The following MPDZ variants were observed in gnomAD, a reference collection of about 807,000 sequenced individuals.
MPDZ encodes the protein multiple PDZ domain crumbs cell polarity complex component.
Under a neutral mutation model 239.1 loss-of-function variants are expected in MPDZ, and 234 were observed. The ratio of observed to expected loss-of-function variants is 0.98; its 90% CI spans 0.88 to 1.09. The LOEUF is 1.09. MPDZ is among the 50% of genes least tolerant of loss of function. MPDZ has a pLI of 0.00. For missense variants in MPDZ, 3,175 were observed against 2,510.0 expected, an observed-to-expected ratio of 1.26 and a Z score of -5.66; for synonymous variants, 1,048 against 881.3, an observed-to-expected ratio of 1.19 and a Z score of -3.35.
chr9:13,234,041 A>C (rs757281224), intron 3 of MPDZ, among the ~76,000 whole-genome samples: 6 of 152,132 alleles, frequency 3.9e-5, no homozygotes, highest in Non-Finnish European at 5.9e-5. Flanking sequence ...AAATATTATA[A>C]ATTTTTAAAA....
At position 13,119,621 on chromosome 9, in the gene MPDZ, T is replaced by A. The variant is rs777153532; in HGVS notation, c.5260A>T (p.Ile1754Phe). 20 of 1,613,898 alleles carry A rather than the reference T, an allele frequency of 1.2e-5. No homozygotes were observed. Among genetic ancestry groups the A allele is most frequent in the Non-Finnish European group, 1.7e-5 (20 of 1,179,874 alleles). Reference sequence around the variant, plus strand: ...GCATCTGCAATTCCTCCTTTGACAATGTCTGACACAAATACTCCAGTATCG... The same window carrying A: ...GCATCTGCAATTCCTCCTTTGACAAAGTCTGACACAAATACTCCAGTATCG... Reference protein sequence around the residue: ...RNDTGVFVSDIVKGGIADADG... With the variant: ...RNDTGVFVSDFVKGGIADADG... The change falls in exon 39 of 47, where the codon ATT (isoleucine) becomes TTT (phenylalanine). Residue 1754 changes from isoleucine to phenylalanine, a missense_variant. Transcript: ENST00000319217.
intron 39 of MPDZ, among the ~76,000 whole-genome samples, chr9:13,118,928 G>T (rs762303628): frequency 5.9e-5 from 9 of 152,148 alleles, no homozygotes; most frequent in Non-Finnish European, 8.8e-5. Flanking sequence ...CCCCAGTGAA[G>T]GTACTGCTGA....
chr9:13,122,129 T>C lies in MPDZ; in HGVS notation c.4995A>G (p.Ala1665=), dbSNP rs1269844280. The C allele has an allele frequency of 4.3e-6, 7 of 1,613,934 alleles. No individual in the cohort carries two copies. Among genetic ancestry groups the C allele is most frequent in the Non-Finnish European group, 5.9e-6 (7 of 1,179,946 alleles). ...CAGCCCAGAGTCTTCCATCTTTACA[T>C]GCTGCTCCTTCTTCATAAACTTCAT... ...IIHEVYEEGA[A]CKDGRLWAGD... The change falls in exon 37 of 47, where the codon GCA becomes GCG. Residue 1665 remains alanine, a synonymous_variant. Coordinates refer to ENST00000319217, the MANE Select transcript of MPDZ (RefSeq NM_001378778.1).
chr9:13,196,166 C>A lies in MPDZ; in HGVS notation c.1611G>T (p.Leu537=). The part of the protein sequence containing the change: ...IEDAQKQEAA[L]LTKWQRIMGI... ...CCATAATCCTTTGCCATTTTGTCAGCAGAGCAGCTTCTTGTTTTTGTGCAT... is the reference window on the plus strand; with the variant it reads ...CCATAATCCTTTGCCATTTTGTCAGAAGAGCAGCTTCTTGTTTTTGTGCAT... The change falls in exon 13 of 47, where the codon CTG becomes CTT. Residue 537 remains leucine, a synonymous_variant. Coordinates refer to ENST00000319217, the MANE Select transcript of MPDZ (RefSeq NM_001378778.1). 1 of 1,603,778 alleles carries A rather than the reference C, an allele frequency of 6.2e-7. No homozygotes were observed. Among genetic ancestry groups the A allele is most frequent in the Non-Finnish European group, 8.5e-7 (1 of 1,174,252 alleles).
chr9:13,160,854 ATATATATATATATAT>A (rs1563930996), intron 23 of MPDZ, among the ~76,000 whole-genome samples: 2 of 124,136 alleles, frequency 1.6e-5, no homozygotes, highest in Admixed American at 8.0e-5. Flanking sequence ...ATATATATAT[ATATATATATATATAT>A]AAAACAGGTA....
chr9:13,227,433 G>A (rs1417058046), intron 3 of MPDZ, among the ~76,000 whole-genome samples: 3 of 151,910 alleles, frequency 2.0e-5, no homozygotes, highest in African/African-American at 4.8e-5. Flanking sequence ...CAGAAGACAC[G>A]CAGCTCAGGT....
At chr9:13,110,279 C>G (rs912921396) in intron 44 of MPDZ, among the ~76,000 whole-genome samples, 3 of 152,178 alleles carry the variant, frequency 2.0e-5, no homozygotes, top group Admixed American at 6.5e-5. Context: ...TAATTCTATT[C>G]TACAAAGTTC....
intron 40 of MPDZ, 143 bp from the exon 41 acceptor site, chr9:13,114,164 T>A: frequency 1.4e-6 from 1 of 689,966 alleles, no homozygotes; most frequent in Non-Finnish European, 2.5e-6. Flanking sequence ...TTAAACACAG[T>A]TCCTACTGAT....
chr9:13,196,689 T>C (rs888665636), intron 12 of MPDZ, among the ~76,000 whole-genome samples: 4 of 151,992 alleles, frequency 2.6e-5, no homozygotes, highest in African/African-American at 7.2e-5. Context: ...ACTCCATATA[T>C]GAGAAAATAT....
chr9:13,262,450 C>T lies in MPDZ; in HGVS notation c.-57-12078G>A, dbSNP rs560408678. ...GGGCCGACAGAGAAAGACCCTGTCTCAAAAAAATAATAATAAAAATTAAAA... is the reference window on the plus strand; with the variant it reads ...GGGCCGACAGAGAAAGACCCTGTCTTAAAAAAATAATAATAAAAATTAAAA... On this transcript the variant is annotated intron_variant, in intron 1 of 46. Transcript: ENST00000319217. Among the ~76,000 whole-genome samples the T allele has an allele frequency of 1.8e-4, 27 of 151,726 alleles. 1 individual carries two copies. The South Asian group carries it at 2.5e-3, about 14-fold the overall frequency.
intron 18 of MPDZ, among the ~76,000 whole-genome samples, chr9:13,185,825 C>T (rs1417632805): frequency 1.3e-5 from 2 of 151,966 alleles, no homozygotes; most frequent in African/African-American, 4.8e-5. Context: ...TTCCATAAAA[C>T]TGGTGTTCTT....
At chr9:13,203,181 A>G (rs1333123013) in intron 12 of MPDZ, among the ~76,000 whole-genome samples, 2 of 152,190 alleles carry the variant, frequency 1.3e-5, no homozygotes, top group Non-Finnish European at 2.9e-5. Context: ...ATAAAAGCAA[A>G]TAAACAAATT....
intron 24 of MPDZ, among the ~76,000 whole-genome samples, chr9:13,152,572 G>C (rs1197448298): frequency 6.6e-6 from 1 of 151,968 alleles, no homozygotes; most frequent in Non-Finnish European, 1.5e-5. Context: ...GGAACTGTGA[G>C]TCCATTAAAC....
intron 1 of MPDZ, among the ~76,000 whole-genome samples, chr9:13,258,989 G>A (rs988259218): frequency 1.8e-4 from 28 of 152,008 alleles, no homozygotes; most frequent in African/African-American, 6.5e-4. Flanking sequence ...GGAGACCGAG[G>A]CAGGAGAATC....
chr9:13,249,780 T>C (rs1044121602), intron 2 of MPDZ, among the ~76,000 whole-genome samples: 11 of 152,208 alleles, frequency 7.2e-5, no homozygotes, highest in African/African-American at 2.7e-4. Context: ...GAAAAACAGT[T>C]TATTAACACA....
intron 21 of MPDZ, among the ~76,000 whole-genome samples, chr9:13,170,904 C>T (rs1479153576): frequency 6.6e-6 from 1 of 152,174 alleles, no homozygotes; most frequent in African/African-American, 2.4e-5. Context: ...TCTCCACTAA[C>T]CAGATTTTGG....
intron 6 of MPDZ, 148 bp from the exon 7 acceptor site, chr9:13,221,648 G>A: frequency 1.3e-6 from 1 of 744,986 alleles, no homozygotes; most frequent in Non-Finnish European, 2.0e-6. Context: ...CCTTTCATTT[G>A]GTATACTTCC....
intron 29 of MPDZ, 76 bp downstream of exon 29, chr9:13,137,881 G>A: frequency 1.4e-6 from 2 of 1,431,990 alleles, no homozygotes; most frequent in African/African-American, 1.4e-5. Context: ...TAAGGTATGG[G>A]TGATTTTCTG....
chr9:13,153,617 C>T (rs1949473101), intron 24 of MPDZ, among the ~76,000 whole-genome samples: 1 of 152,052 alleles, frequency 6.6e-6, no homozygotes, highest in Admixed American at 6.6e-5. Flanking sequence ...AGATTATAGG[C>T]ATGAGCCACC....
Sources: gnomAD v4.1 joint callset for allele counts (sites outside exome capture counted in the v4.1 genomes callset) on GRCh38, gnomAD v4.1.1 for gene constraint, MANE v1.5 for transcripts, NCBI Gene and HGNC (gene_info 2026-07-23, HGNC 2026-07-21) for gene names.